Variants in UHRF1 observed in about 807,000 individuals in gnomAD.
The protein encoded by UHRF1 is ubiquitin like with PHD and ring finger domains 1, also known as E3 ubiquitin-protein ligase UHRF1.
A neutral mutation model predicts 96.5 loss-of-function variants in UHRF1; 9 were observed. The observed-to-expected ratio is 0.09, with a 90% confidence interval of 0.06 to 0.16. The LOEUF (loss-of-function observed/expected upper bound fraction) is 0.16, where lower values mean the gene tolerates loss of function less well. UHRF1 is among the 10% of genes least tolerant of loss of function. The pLI, the probability that UHRF1 is intolerant of heterozygous loss-of-function variation, is 1.00. For synonymous variants in UHRF1, 455 were observed against 469.9 expected (o/e 0.97, Z 0.41); for missense variants, 626 against 1,131.1 (o/e 0.55, Z 6.40).
chr19:4,939,956 G>A (rs1261697707), intron 5 of UHRF1, among the ~76,000 whole-genome samples: 1 of 151,498 alleles, frequency 6.6e-6, no homozygotes, highest in Non-Finnish European at 1.5e-5. Context: ...CCCGGGAGGT[G>A]GAGCTTGCAG....
chr19:4,935,375 A>G (rs142108485), intron 5 of UHRF1, among the ~76,000 whole-genome samples: 2 of 152,260 alleles, frequency 1.3e-5, no homozygotes, highest in African/African-American at 2.4e-5. Context: ...AGGCCTCCCC[A>G]GCCATGCGGA....
rs1392288220 is a variant in UHRF1, at chr19:4,909,586, C to G, written c.-80C>G. 2 of 651,980 alleles carry G rather than the reference C, an allele frequency of 3.1e-6. No individual in the cohort carries two copies. Among genetic ancestry groups the G allele is most frequent in the Admixed American group, 2.3e-5 (1 of 42,772 alleles). The allele number at this position is 651,980 out of a possible 1,614,324, so 40.4% of individuals were successfully genotyped here. ...GTCCGCGCGGGGTCCGGGCCACGCA[C>G]GCGGTTTCATCGCCATCCCCAGCCG... On this transcript the variant is annotated 5_prime_UTR_variant, in exon 1 of 17. Transcript: ENST00000650932.
chr19:4,904,385 T>C (rs1236861526), intron 1 of UHRF1, among the ~76,000 whole-genome samples: 1 of 152,164 alleles, frequency 6.6e-6, no homozygotes, highest in African/African-American at 2.4e-5. Flanking sequence ...TTCATCATGT[T>C]AGCCAGGATG....
chr19:4,950,588 T>C (rs769962549), intron 11 of UHRF1, 23 bp from the exon 12 acceptor site: 3 of 1,606,566 alleles, frequency 1.9e-6, no homozygotes, highest in Non-Finnish European at 2.5e-6. Context: ...CTATAATGCG[T>C]GGGGTCCTGA....
At position 4,932,783 on chromosome 19, in the gene UHRF1, C is replaced by T. The variant is rs569076659; in HGVS notation, c.612C>T (p.Val204=). ...NGVVQMNSRD[V]RARARTIIKW... is the part of the protein sequence containing the mutation. ...TGGTCCAGATGAACTCCAGGGACGTCCGAGCGCGCGCCCGCACCATCATCA... is the reference window on the plus strand; with the variant it reads ...TGGTCCAGATGAACTCCAGGGACGTTCGAGCGCGCGCCCGCACCATCATCA... The change falls in exon 5 of 17, where the codon GTC becomes GTT. Residue 204 remains valine, a synonymous_variant. Transcript: ENST00000650932. 1.9e-6 allele frequency: 3 copies of T among 1,613,896 alleles called. No individual in the cohort carries two copies. Among genetic ancestry groups the T allele is most frequent in the South Asian group, 2.2e-5 (2 of 91,080 alleles).
At chr19:4,909,903 T>G (rs1184396116) in intron 1 of UHRF1, 2 of 359,568 alleles carry the variant, frequency 5.6e-6, no homozygotes, top group Admixed American at 4.7e-5. Flanking sequence ...GGGGAGGGCC[T>G]GGCGAGCCGC....
chr19:4,944,236 C>T lies in UHRF1; in HGVS notation c.1178C>T (p.Ser393Leu). 1.2e-6 allele frequency: 2 copies of T among 1,614,070 alleles called. No homozygotes were observed. The highest frequency in any genetic ancestry group is 1.7e-6 in the Non-Finnish European group (2 of 1,179,900). Residue 393 changes from serine (S) to leucine (L), a missense_variant, in exon 8 of 17, where the codon TCA (serine) becomes TTA (leucine). Transcript: ENST00000650932. ...AAGATGGCCTCGGCCACATCGTCCT[C>T]ACAGCGGGACTGGGGCAAGGTGAGG... ...KAKMASATSS[S>L]QRDWGKGMAC...
chr19:4,915,159 T>C (rs1398498290), intron 2 of UHRF1, among the ~76,000 whole-genome samples: 2 of 152,212 alleles, frequency 1.3e-5, no homozygotes, highest in Non-Finnish European at 2.9e-5. Context: ...GGAATGGCCT[T>C]GCAAGAGTCA....
chr19:4,922,548 G>C (rs113583309), intron 2 of UHRF1, among the ~76,000 whole-genome samples: 1 of 152,180 alleles, frequency 6.6e-6, no homozygotes. Context: ...GATTACAGGC[G>C]TGCACCACCG....
At chr19:4,932,301 C>T (rs575891038) in intron 4 of UHRF1, among the ~76,000 whole-genome samples, 45 of 152,318 alleles carry the variant, frequency 3.0e-4, no homozygotes, top group Non-Finnish European at 6.2e-4. Context: ...CTCCTGACCT[C>T]AGGTGATCTT....
At chr19:4,914,390 TCA>T (rs1485008818) in intron 2 of UHRF1, among the ~76,000 whole-genome samples, 3 of 152,126 alleles carry the variant, frequency 2.0e-5, no homozygotes, top group Non-Finnish European at 2.9e-5. Flanking sequence ...TCTAGAGTGT[TCA>T]CAGTCTTTTT....
intron 2 of UHRF1, among the ~76,000 whole-genome samples, chr19:4,912,700 G>A (rs1300111744): frequency 6.6e-6 from 1 of 152,088 alleles, no homozygotes; most frequent in Non-Finnish European, 1.5e-5. Flanking sequence ...CCTTATTACT[G>A]CAGCACACCG....
intron 5 of UHRF1, among the ~76,000 whole-genome samples, chr19:4,938,162 G>A (rs186373510): frequency 1.6e-4 from 24 of 151,710 alleles, no homozygotes; most frequent in African/African-American, 5.3e-4. Context: ...TCGGTGGGGT[G>A]GGGGAGGAAG....
intron 2 of UHRF1, among the ~76,000 whole-genome samples, chr19:4,913,910 C>T (rs1432797953): frequency 6.8e-6 from 1 of 148,002 alleles, no homozygotes; most frequent in East Asian, 2.1e-4. Context: ...CTCCTGGGTT[C>T]CAGCGATTCT....
intron 2 of UHRF1, among the ~76,000 whole-genome samples, chr19:4,928,039 G>T (rs2032928555): frequency 6.6e-6 from 1 of 152,160 alleles, no homozygotes; most frequent in Non-Finnish European, 1.5e-5. Flanking sequence ...AGCATCATGG[G>T]ATAAGGAGTT....
chr19:4,947,057 T>C, intron 10 of UHRF1, 48 bp from the exon 11 acceptor site: 1 of 1,453,416 alleles, frequency 6.9e-7, no homozygotes, highest in Non-Finnish European at 9.4e-7. Flanking sequence ...TCTCTTTTTT[T>C]TTTTTTGCCT....
chr19:4,905,043 C>T (rs2032036150), upstream of UHRF1, among the ~76,000 whole-genome samples: 1 of 151,984 alleles, frequency 6.6e-6, no homozygotes, highest in Admixed American at 6.6e-5. Flanking sequence ...GCTCATCCAA[C>T]CCCTGACCCA....
rs747347309 is a variant in UHRF1 at position 4,932,722 on chromosome 19, G to A, written c.570-19G>A. 4 of 1,612,526 alleles carry A rather than the reference G, an allele frequency of 2.5e-6. No individual in the cohort carries two copies. The highest frequency in any genetic ancestry group is 2.2e-5 in the East Asian group (1 of 44,868). On this transcript the variant is annotated intron_variant, in intron 4 of 16. Transcript: ENST00000650932. Reference sequence around the variant, plus strand: ...GCTTGGTCTTAGCACGGGGTCTAAGGCCCGGGCTTTCCTCCCAGCTACCCG... The same window carrying A: ...GCTTGGTCTTAGCACGGGGTCTAAGACCCGGGCTTTCCTCCCAGCTACCCG...
chr19:4,930,704 C>T lies in UHRF1; in HGVS notation c.409-12C>T, dbSNP rs780046101. The T allele has an allele frequency of 2.5e-6, 4 of 1,612,426 alleles. No individual in the cohort carries two copies. In the Admixed American group the frequency reaches 6.7e-5, roughly 27 times the overall value. The stretch of plus-strand genomic sequence containing the variant: ...CCCCGTTGGGATGCCAGACTTCCCT[C>T]ATTCCTCACAGGTCAATGAGTACGT... On this transcript the variant is annotated splice_polypyrimidine_tract_variant and intron_variant, in intron 3 of 16. Transcript: ENST00000650932. The surrounding 1 kb of genome is among the most constrained non-coding windows in gnomAD (Gnocchi z 4.4).
Sources: allele counts gnomAD v4.1 joint callset (sites outside exome capture counted in the v4.1 genomes callset), GRCh38; gene constraint gnomAD v4.1.1; non-coding constraint Gnocchi (gnomAD v3.1); transcripts MANE v1.5; gene names NCBI Gene and HGNC (gene_info 2026-07-23, HGNC 2026-07-21).